CDH12: variants seen among roughly 807,000 people sequenced by gnomAD.
The protein encoded by CDH12 is cadherin-12.
Under a neutral mutation model 74.1 loss-of-function variants are expected in CDH12, and 41 were observed. That is an observed-to-expected ratio of 0.55 (90% CI 0.43 to 0.72). The LOEUF is 0.72. CDH12 is among the 30% of genes least tolerant of loss of function. The pLI is 0.00. For synonymous variants in CDH12, 399 were observed against 355.0 expected (o/e 1.12, Z -1.39); for missense variants, 945 against 977.2 (o/e 0.97, Z 0.44).
At chr5:22,068,279 T>C (rs79606066) in intron 5 of CDH12, among the ~76,000 whole-genome samples, 1 of 152,290 alleles carries the variant, frequency 6.6e-6, no homozygotes, top group Non-Finnish European at 1.5e-5. Flanking sequence ...CTCTTCTCTT[T>C]CCAAGCCTGT....
At chr5:22,024,405 T>G (rs1738205272) in intron 5 of CDH12, among the ~76,000 whole-genome samples, 1 of 152,198 alleles carries the variant, frequency 6.6e-6, no homozygotes, top group African/African-American at 2.4e-5. Context: ...GACCACTGAC[T>G]ATTTCTAAAA....
At chr5:22,174,654 G>A (rs1057221876) in intron 4 of CDH12, among the ~76,000 whole-genome samples, 2 of 151,822 alleles carry the variant, frequency 1.3e-5, no homozygotes, top group African/African-American at 2.4e-5. Context: ...AGTGAACCAC[G>A]GGAATCAGTC....
chr5:22,849,537 G>A (rs1219874847), intron 1 of CDH12, among the ~76,000 whole-genome samples: 1 of 152,044 alleles, frequency 6.6e-6, no homozygotes, highest in Non-Finnish European at 1.5e-5. Flanking sequence ...ATTTGGACTT[G>A]GAACCAAGCA....
intron 1 of CDH12, among the ~76,000 whole-genome samples, chr5:22,521,965 A>G (rs1332447512): frequency 6.6e-6 from 1 of 152,210 alleles, no homozygotes; most frequent in Non-Finnish European, 1.5e-5. Context: ...AAAGAACTTA[A>G]TATTTATATT....
chr5:22,769,066 T>C (rs1227772635), intron 1 of CDH12, among the ~76,000 whole-genome samples: 1 of 152,182 alleles, frequency 6.6e-6, no homozygotes, highest in Non-Finnish European at 1.5e-5. Context: ...TAAAGCTTTT[T>C]CTTAAAAAGA....
intron 1 of CDH12, among the ~76,000 whole-genome samples, chr5:22,670,975 TTCTC>T (rs1740870660): frequency 6.6e-6 from 1 of 151,960 alleles, no homozygotes; most frequent in Admixed American, 6.6e-5. Flanking sequence ...ATGTACTTAT[TTCTC>T]TATTAGTTAA....
intron 3 of CDH12, among the ~76,000 whole-genome samples, chr5:22,250,231 C>A (rs1580447606): frequency 6.6e-6 from 1 of 151,738 alleles, no homozygotes; most frequent in African/African-American, 2.4e-5. Flanking sequence ...AGGAAAAAAA[C>A]CCACATACTA....
At chr5:22,180,176 T>G (rs2150336770) in intron 4 of CDH12, among the ~76,000 whole-genome samples, 1 of 152,318 alleles carries the variant, frequency 6.6e-6, no homozygotes, top group Middle Eastern at 3.4e-3. Flanking sequence ...ATAACCTAGA[T>G]CATAAACCAT....
chr5:22,783,557 G>C (rs1316262477), intron 1 of CDH12, among the ~76,000 whole-genome samples: 1 of 152,122 alleles, frequency 6.6e-6, no homozygotes, highest in East Asian at 1.9e-4. Context: ...CAACTTCAGG[G>C]AGTAAAGTCA....
At chr5:22,737,334 G>C (rs1235763544) in intron 1 of CDH12, among the ~76,000 whole-genome samples, 1 of 151,746 alleles carries the variant, frequency 6.6e-6, no homozygotes, top group Non-Finnish European at 1.5e-5. Flanking sequence ...TGTTTTGCTA[G>C]AAAATAAATA....
At chr5:22,269,683 T>A (rs1736294073) in intron 3 of CDH12, among the ~76,000 whole-genome samples, 1 of 152,004 alleles carries the variant, frequency 6.6e-6, no homozygotes, top group Non-Finnish European at 1.5e-5. Context: ...CAGATAAGAG[T>A]CCCCATCCTT....
At chr5:21,756,979 T>A (rs540059265) in intron 13 of CDH12, among the ~76,000 whole-genome samples, 2 of 152,228 alleles carry the variant, frequency 1.3e-5, no homozygotes, top group South Asian at 4.1e-4. Context: ...ATTTAAATCT[T>A]CAGCAATTGA....
intron 1 of CDH12, among the ~76,000 whole-genome samples, chr5:22,690,273 T>A (rs974611661): frequency 2.6e-5 from 4 of 152,142 alleles, no homozygotes; most frequent in Non-Finnish European, 5.9e-5. Context: ...TTCTTCCTGA[T>A]AATAACTCAA....
intron 7 of CDH12, among the ~76,000 whole-genome samples, 187 bp downstream of exon 7, chr5:21,854,480 TTTTA>T (rs1467440952): frequency 6.6e-6 from 1 of 151,750 alleles, no homozygotes; most frequent in Non-Finnish European, 1.5e-5. Context: ...AAAAGGTTTA[TTTTA>T]CACAAAGTTC....
At chr5:22,354,032 G>A (rs1396822269) in intron 3 of CDH12, among the ~76,000 whole-genome samples, 1 of 152,172 alleles carries the variant, frequency 6.6e-6, no homozygotes, top group East Asian at 1.9e-4. Context: ...CTTAGGAAGT[G>A]ACAAAATTCC....
intron 4 of CDH12, among the ~76,000 whole-genome samples, chr5:22,156,065 T>C (rs1476546915): frequency 6.6e-6 from 1 of 152,140 alleles, no homozygotes; most frequent in East Asian, 1.9e-4. Flanking sequence ...TACTGATATA[T>C]ATATATAAAA....
intron 4 of CDH12, among the ~76,000 whole-genome samples, chr5:22,181,186 A>G (rs887401173): frequency 1.3e-5 from 2 of 152,060 alleles, no homozygotes; most frequent in Non-Finnish European, 2.9e-5. Flanking sequence ...TTTCCCTTCA[A>G]ATTCCTACTA....
chr5:21,831,902 C>T (rs1219967974), intron 8 of CDH12, among the ~76,000 whole-genome samples: 2 of 152,042 alleles, frequency 1.3e-5, no homozygotes, highest in Non-Finnish European at 2.9e-5. Context: ...CTACATTATT[C>T]ATGCCACTCT....
chr5:21,824,151 G>A (rs1275529941), intron 8 of CDH12, among the ~76,000 whole-genome samples: 1 of 152,052 alleles, frequency 6.6e-6, no homozygotes, highest in Non-Finnish European at 1.5e-5. Context: ...AGCAGCAGAT[G>A]GGACATTGAG....
Sources: gnomAD v4.1 joint callset for allele counts (sites outside exome capture counted in the v4.1 genomes callset) on GRCh38, gnomAD v4.1.1 for gene constraint, MANE v1.5 for transcripts, NCBI Gene and HGNC (gene_info 2026-07-23, HGNC 2026-07-21) for gene names.